L3MBTL4: variants seen among roughly 807,000 people sequenced by gnomAD.
L3MBTL4 encodes the protein lethal(3)malignant brain tumor-like protein 4.
Under a neutral mutation model 84.5 loss-of-function variants are expected in L3MBTL4, and 70 were observed. The ratio of observed to expected loss-of-function variants is 0.83; its 90% CI spans 0.68 to 1.01. L3MBTL4 has a LOEUF of 1.01. L3MBTL4 is among the 50% of genes least tolerant of loss of function. The pLI, the probability that L3MBTL4 is intolerant of heterozygous loss-of-function variation, is 0.00. For synonymous variants in L3MBTL4, 274 were observed against 259.8 expected, an observed-to-expected ratio of 1.05 and a Z score of -0.52; for missense variants, 715 against 754.8, an observed-to-expected ratio of 0.95 and a Z score of 0.62.
chr18:6,297,551 T>C (rs991967190), intron 4 of L3MBTL4, among the ~76,000 whole-genome samples: 6 of 152,150 alleles, frequency 3.9e-5, no homozygotes, highest in African/African-American at 1.4e-4. Context: ...AAAATAAAAG[T>C]TTACTCAGAA....
At chr18:6,314,668 T>C (rs2051003348) in intron 1 of L3MBTL4, among the ~76,000 whole-genome samples, 1 of 152,254 alleles carries the variant, frequency 6.6e-6, no homozygotes, top group African/African-American at 2.4e-5. Flanking sequence ...GAATTATCTG[T>C]CTGCATGTTG....
intron 16 of L3MBTL4, among the ~76,000 whole-genome samples, chr18:6,049,207 T>G (rs1255435923): frequency 6.6e-6 from 1 of 152,052 alleles, no homozygotes; most frequent in Non-Finnish European, 1.5e-5. Context: ...GGCCTTGAAT[T>G]TGACTAAAAA....
intron 1 of L3MBTL4, among the ~76,000 whole-genome samples, chr18:6,315,035 A>T (rs2051024466): frequency 6.6e-6 from 1 of 152,242 alleles, no homozygotes; most frequent in Non-Finnish European, 1.5e-5. Flanking sequence ...TCATATTGGT[A>T]CCATATAGGT....
At chr18:5,968,678 C>T (rs1489562935) in intron 17 of L3MBTL4, among the ~76,000 whole-genome samples, 2 of 150,458 alleles carry the variant, frequency 1.3e-5, no homozygotes, top group African/African-American at 4.9e-5. Flanking sequence ...GCCTGGGTAA[C>T]AGAGCAAGAC....
intron 3 of L3MBTL4, 139 bp downstream of exon 3, chr18:6,311,415 C>A (rs1312818759): frequency 4.5e-6 from 3 of 671,324 alleles, no homozygotes; most frequent in Non-Finnish European, 8.1e-6. Context: ...TACCCCTACA[C>A]ATAAAGCTCA....
intron 14 of L3MBTL4, among the ~76,000 whole-genome samples, chr18:6,099,241 C>T (rs117520771): frequency 0.02 from 2,994 of 152,214 alleles, 35 homozygotes; most frequent in Non-Finnish European, 0.031. Context: ...CAGTAGTCTA[C>T]TCTCACACAG....
chr18:6,237,085 G>C (rs2047245119), intron 10 of L3MBTL4, among the ~76,000 whole-genome samples: 1 of 152,066 alleles, frequency 6.6e-6, no homozygotes, highest in Admixed American at 6.5e-5. Context: ...TAAAAACAAA[G>C]GGATTTGACA....
At chr18:6,196,748 A>G (rs2045415366) in intron 12 of L3MBTL4, among the ~76,000 whole-genome samples, 1 of 152,212 alleles carries the variant, frequency 6.6e-6, no homozygotes, top group Non-Finnish European at 1.5e-5. Flanking sequence ...CTATCTCAGT[A>G]ATAAGCCTAA....
intron 1 of L3MBTL4, among the ~76,000 whole-genome samples, chr18:6,401,449 C>T (rs796687199): frequency 2.0e-5 from 3 of 152,262 alleles, no homozygotes; most frequent in African/African-American, 7.2e-5. Flanking sequence ...GTACTGGAAT[C>T]CAATCACACC....
intron 15 of L3MBTL4, 25 bp downstream of exon 15, chr18:6,093,330 C>T (rs1401896100): frequency 6.4e-7 from 1 of 1,571,416 alleles, no homozygotes; most frequent in Non-Finnish European, 8.6e-7. Flanking sequence ...TACTTTCTGG[C>T]TCACATTTTT....
chr18:6,334,670 G>C (rs1320460705), intron 1 of L3MBTL4, among the ~76,000 whole-genome samples: 1 of 152,078 alleles, frequency 6.6e-6, no homozygotes, highest in African/African-American at 2.4e-5. Flanking sequence ...ATAATATAGT[G>C]GAGGAAACAC....
chr18:6,414,210 C>T lies in L3MBTL4; in HGVS notation c.-91+591G>A, dbSNP rs1283483672. On this transcript the variant is annotated intron_variant, in intron 1 of 18. Transcript: ENST00000317931. The surrounding 1 kb of genome is among the most constrained non-coding windows in gnomAD (Gnocchi z 5.4). ...GCGCGCACTCCCTGGGCTCCCGCTC[C>T]CGAGGCTGGGCAGAACTCGCAGAGG... is the stretch of plus-strand genomic sequence containing the variant. 6.6e-6 allele frequency: 1 copy of T among 152,450 alleles called. No individual in the cohort carries two copies. The highest frequency in any genetic ancestry group is 1.5e-5 in the Non-Finnish European group (1 of 68,230). The allele number at this position is 152,450 out of a possible 1,614,324, so 9.4% of individuals were successfully genotyped here. A position where few individuals can be genotyped will look rare whatever the true frequency, so the allele number is the denominator to read the frequency against.
intron 16 of L3MBTL4, among the ~76,000 whole-genome samples, chr18:5,980,122 G>T (rs2053138718): frequency 7.2e-6 from 1 of 138,468 alleles, no homozygotes; most frequent in Admixed American, 7.5e-5. Context: ...CTCATGGAGT[G>T]GCTGACGTGC....
chr18:6,351,727 A>AT (rs1324353373), intron 1 of L3MBTL4, among the ~76,000 whole-genome samples: 7 of 151,462 alleles, frequency 4.6e-5, no homozygotes, highest in African/African-American at 1.5e-4. Context: ...AATTTTTTGT[A>AT]TTTTTAGTAG....
At chr18:6,233,649 G>A (rs1466019838) in intron 10 of L3MBTL4, among the ~76,000 whole-genome samples, 1 of 151,906 alleles carries the variant, frequency 6.6e-6, no homozygotes, top group Admixed American at 6.5e-5. Flanking sequence ...ACAAACCACT[G>A]CTCAATGAAA....
At chr18:6,159,798 T>C (rs1054962885) in intron 13 of L3MBTL4, among the ~76,000 whole-genome samples, 1 of 152,238 alleles carries the variant, frequency 6.6e-6, no homozygotes, top group African/African-American at 2.4e-5. Context: ...AGTTACTAAG[T>C]GGTGCAGCCA....
chr18:6,049,055 G>T (rs1200358422), intron 16 of L3MBTL4, among the ~76,000 whole-genome samples: 1 of 152,142 alleles, frequency 6.6e-6, no homozygotes, highest in Admixed American at 6.5e-5. Flanking sequence ...GGAGGCAGAG[G>T]TGAGGGGAGA....
At chr18:5,985,043 G>T (rs1470047343) in intron 16 of L3MBTL4, among the ~76,000 whole-genome samples, 2 of 151,964 alleles carry the variant, frequency 1.3e-5, no homozygotes, top group Non-Finnish European at 2.9e-5. Flanking sequence ...AGAATTTAAT[G>T]AAAGCTTGTA....
At chr18:6,234,110 G>A (rs567452289) in intron 10 of L3MBTL4, among the ~76,000 whole-genome samples, 7 of 152,084 alleles carry the variant, frequency 4.6e-5, no homozygotes, top group Admixed American at 3.9e-4. Flanking sequence ...ACTGGCTAGC[G>A]ACATGTAGAA....
Sources: gnomAD v4.1 joint callset for allele counts (sites outside exome capture counted in the v4.1 genomes callset) on GRCh38, gnomAD v4.1.1 for gene constraint, Gnocchi (gnomAD v3.1) non-coding constraint, MANE v1.5 for transcripts, NCBI Gene and HGNC (gene_info 2026-07-23, HGNC 2026-07-21) for gene names.